ATAD2B: variants seen among roughly 807,000 people sequenced by gnomAD.
ATAD2B encodes ATPase family AAA domain containing 2B, also known as ATPase family AAA domain-containing protein 2B.
In ATAD2B, 40 loss-of-function variants were observed where a neutral mutation model predicts 167.6. The ratio of observed to expected loss-of-function variants is 0.24; its 90% CI spans 0.19 to 0.31. The LOEUF (loss-of-function observed/expected upper bound fraction) is 0.31, where lower values mean the gene tolerates loss of function less well. ATAD2B is among the 10% of genes least tolerant of loss of function. The pLI, the probability that ATAD2B is intolerant of heterozygous loss-of-function variation, is 1.00. For missense variants in ATAD2B, 1,242 were observed against 1,757.2 expected (o/e 0.71, Z 5.24); for synonymous variants, 579 against 596.5 (o/e 0.97, Z 0.43).
chr2:23,732,931 C>A, the ATAD2B span, among the ~76,000 whole-genome samples: 1 of 152,154 alleles, frequency 6.6e-6, no homozygotes, highest in African/African-American at 2.4e-5. Context: ...TCATCTTCAG[C>A]AAGTAAAAAT....
intron 13 of ATAD2B, among the ~76,000 whole-genome samples, chr2:23,854,694 AG>A (rs1415897623): frequency 6.6e-6 from 1 of 151,966 alleles, no homozygotes; most frequent in African/African-American, 2.4e-5. Flanking sequence ...AAAAAAAAAA[AG>A]CTAACGCTAT....
chr2:23,914,069 C>T (rs1167738823), intron 1 of ATAD2B, among the ~76,000 whole-genome samples: 7 of 151,942 alleles, frequency 4.6e-5, no homozygotes, highest in African/African-American at 1.7e-4. Flanking sequence ...GGCAACACAG[C>T]AATAACCCTG....
At position 23,879,331 on chromosome 2, in the gene ATAD2B, G is replaced by A. The variant is rs555374444; in HGVS notation, c.901+1308C>T. The stretch of plus-strand genomic sequence containing the variant: ...AAAGAAAAAAAAAAAGGAATACACA[G>A]CTGGATGCAGAGGTTCAAGACATCA... On this transcript the variant is annotated intron_variant, in intron 7 of 27. Transcript: ENST00000238789. 1.1e-3 allele frequency among the ~76,000 whole-genome samples: 170 copies of A among 151,932 alleles called. 1 individual carries two copies. The highest frequency in any genetic ancestry group is 4.0e-3 in the African/African-American group (166 of 41,448).
downstream of ATAD2B, among the ~76,000 whole-genome samples, chr2:23,744,399 A>G (rs1572599498): frequency 6.6e-6 from 1 of 152,182 alleles, no homozygotes; most frequent in African/African-American, 2.4e-5. Context: ...CTGACTTTAA[A>G]ATATATAAAT....
chr2:23,903,978 T>A (rs1433887935), intron 1 of ATAD2B, among the ~76,000 whole-genome samples: 2 of 151,924 alleles, frequency 1.3e-5, no homozygotes, highest in Admixed American at 1.3e-4. Context: ...GATGGTGGTG[T>A]GGGGAGCCAG....
At chr2:23,838,166 T>C (rs1458106227) in intron 13 of ATAD2B, among the ~76,000 whole-genome samples, 2 of 152,324 alleles carry the variant, frequency 1.3e-5, no homozygotes, top group Admixed American at 6.5e-5. Flanking sequence ...AGGAAGGATG[T>C]GTGATTCTTC....
chr2:23,926,535 T>C lies in ATAD2B; in HGVS notation c.216+20A>G. ...GGCCGGCACTTCCGAGCCTCCGGAC[T>C]CGGGACGCCGCGCTCTTACCCTGGC... is the stretch of plus-strand genomic sequence containing the variant. On this transcript the variant is annotated intron_variant, in intron 1 of 27. Transcript: ENST00000238789. 1 of 1,537,722 alleles carries C rather than the reference T, an allele frequency of 6.5e-7. No individual in the cohort carries two copies. Among genetic ancestry groups the C allele is most frequent in the Non-Finnish European group, 8.7e-7 (1 of 1,144,806 alleles).
At chr2:23,872,071 T>C (rs1696070685) in intron 8 of ATAD2B, among the ~76,000 whole-genome samples, 1 of 152,118 alleles carries the variant, frequency 6.6e-6, no homozygotes, top group Non-Finnish European at 1.5e-5. Flanking sequence ...AGAGACAGGG[T>C]TTCACTATGT....
chr2:23,813,254 G>A (rs928081264), intron 17 of ATAD2B, among the ~76,000 whole-genome samples: 2 of 150,296 alleles, frequency 1.3e-5, no homozygotes, highest in Non-Finnish European at 3.0e-5. Flanking sequence ...TAATTTATAT[G>A]CATATGTTTA....
At chr2:23,681,190 C>G in the ATAD2B span, among the ~76,000 whole-genome samples, 15 of 152,202 alleles carry the variant, frequency 9.9e-5, no homozygotes, top group Non-Finnish European at 1.8e-4. This position sits in a 1 kb window ranked among gnomAD's most constrained non-coding sequence, Gnocchi z 4.2. Context: ...ACCAGCCAAT[C>G]GATACTAGGA....
chr2:23,819,199 T>A (rs546316263), intron 17 of ATAD2B, among the ~76,000 whole-genome samples: 1 of 151,928 alleles, frequency 6.6e-6, no homozygotes, highest in African/African-American at 2.4e-5. Flanking sequence ...ACCATTACTT[T>A]AAAAAAAAGT....
At chr2:23,893,021 A>C (rs1013448626) in intron 2 of ATAD2B, among the ~76,000 whole-genome samples, 2 of 152,150 alleles carry the variant, frequency 1.3e-5, no homozygotes, top group African/African-American at 4.8e-5. Flanking sequence ...TTGACCAAAA[A>C]CATCCTATTT....
intron 13 of ATAD2B, among the ~76,000 whole-genome samples, chr2:23,840,752 G>A (rs1440598418): frequency 6.6e-6 from 1 of 152,160 alleles, no homozygotes; most frequent in East Asian, 1.9e-4. Flanking sequence ...AATCTATAGA[G>A]CATTAAATGA....
chr2:23,857,138 CT>C (rs1346729032), intron 13 of ATAD2B, among the ~76,000 whole-genome samples: 1 of 152,166 alleles, frequency 6.6e-6, no homozygotes, highest in African/African-American at 2.4e-5. Context: ...CTGCTGAACT[CT>C]ACTATTGTAG....
intron 12 of ATAD2B, among the ~76,000 whole-genome samples, chr2:23,860,786 C>T (rs1446384590): frequency 6.6e-6 from 1 of 152,144 alleles, no homozygotes; most frequent in Non-Finnish European, 1.5e-5. Context: ...GCCTGGCCAA[C>T]ATGGTGAAAC....
chr2:23,678,107 T>G, the ATAD2B span, among the ~76,000 whole-genome samples: 1 of 152,246 alleles, frequency 6.6e-6, no homozygotes, highest in Non-Finnish European at 1.5e-5. Context: ...CCCATTAGTC[T>G]CTGACAAATA....
chr2:23,926,765 C>T lies in ATAD2B; in HGVS notation c.6G>A (p.Val2=), dbSNP rs1025160336. 4.3e-5 allele frequency: 66 copies of T among 1,539,036 alleles called. No individual in the cohort carries two copies. In the African/African-American group the frequency reaches 7.5e-4, roughly 17 times the overall value. ...GGCGGAGAGAGCTCTTCCGGGTGTT[C>T]ACCATGGTCCAGCCAGGGGGACGGA... is the stretch of plus-strand genomic sequence containing the variant. M[V]NTRKSSLRLL... is the part of the protein sequence containing the mutation. Residue 2 remains valine, a synonymous_variant, in exon 1 of 28, where the codon GTG becomes GTA. Transcript: ENST00000238789.
At chr2:23,878,025 A>AAAAAAAAAAAAAAAAAAAAAAAAAG (rs1558714074) in intron 7 of ATAD2B, among the ~76,000 whole-genome samples, 25 of 106,960 alleles carry the variant, frequency 2.3e-4, no homozygotes, top group East Asian at 3.8e-4. Context: ...AAAAAAAAAA[A>AAAAAAAAAAAAAAAAAAAAAAAAAG]AAAAAAAAAA....
intron 6 of ATAD2B, among the ~76,000 whole-genome samples, chr2:23,884,179 C>T (rs1698366914): frequency 6.6e-6 from 1 of 152,054 alleles, no homozygotes; most frequent in Non-Finnish European, 1.5e-5. Context: ...GAATTAAATC[C>T]TATAGGTGTA....
Sources: gnomAD v4.1 joint callset for allele counts (sites outside exome capture counted in the v4.1 genomes callset) on GRCh38, gnomAD v4.1.1 for gene constraint, Gnocchi (gnomAD v3.1) non-coding constraint, MANE v1.5 for transcripts, NCBI Gene and HGNC (gene_info 2026-07-23, HGNC 2026-07-21) for gene names.